The following HTT variants were observed in gnomAD, a reference collection of about 807,000 sequenced individuals.
HTT encodes huntingtin.
In HTT, 104 loss-of-function variants were observed where a neutral mutation model predicts 362.3. The observed-to-expected ratio is 0.29, with a 90% CI of 0.24 to 0.34. The LOEUF (loss-of-function observed/expected upper bound fraction) is 0.34. HTT is among the 10% of genes least tolerant of loss of function. The probability of loss-of-function intolerance (pLI) is 1.00; values close to 1 mark genes in which losing one functional copy is unlikely to be tolerated. For missense variants in HTT, 3,301 were observed against 3,928.6 expected (o/e 0.84, Z 4.27); for synonymous variants, 1,577 against 1,548.7 (o/e 1.02, Z -0.43).
Position 3,235,274 on chromosome 4 carries a change from C to A in HTT, c.8457-10C>A. On this transcript the variant is annotated splice_polypyrimidine_tract_variant and intron_variant, in intron 61 of 66. Transcript: ENST00000355072. ...GGTGGCTGAGCCTGGATGCTGTCTC[C>A]CGTTTTCAGCTGCGTGAACATTCAC... 1 of 1,595,734 alleles carries A rather than the reference C, an allele frequency of 6.3e-7. No homozygotes were observed. Among genetic ancestry groups the A allele is most frequent in the South Asian group, 1.1e-5 (1 of 90,660 alleles).
chr4:3,093,386 G>C (rs886734842), intron 2 of HTT, among the ~76,000 whole-genome samples: 1 of 151,978 alleles, frequency 6.6e-6, no homozygotes. Flanking sequence ...TAAATTGTTC[G>C]CAACAAAAAT....
chr4:3,215,257 A>C lies in HTT; in HGVS notation c.7054+46A>C, dbSNP rs753442156. 7.6e-6 allele frequency: 11 copies of C among 1,454,442 alleles called. No homozygotes were observed. In the African/African-American group the frequency reaches 1.4e-4, roughly 18 times the overall value. The allele number at this position is 1,454,442 out of a possible 1,614,324, so 90.1% of individuals were successfully genotyped here. Reference sequence around the variant, plus strand: ...TTTTCTTACATGTTGTTCCTCCAGGACTTAAAAATCATTCACAGAGACGTG... The same window carrying C: ...TTTTCTTACATGTTGTTCCTCCAGGCCTTAAAAATCATTCACAGAGACGTG... On this transcript the variant is annotated intron_variant, in intron 51 of 66. Coordinates refer to ENST00000355072, the MANE Select transcript of HTT (RefSeq NM_001388492.1).
intron 66 of HTT, among the ~76,000 whole-genome samples, chr4:3,239,184 G>A (rs1053344418): frequency 6.6e-6 from 1 of 152,192 alleles, no homozygotes; most frequent in Non-Finnish European, 1.5e-5. Flanking sequence ...CTCTCAGAGG[G>A]GCCGGTGTAT....
At chr4:3,189,370 A>G (rs2110250340) in intron 40 of HTT, among the ~76,000 whole-genome samples, 2 of 152,380 alleles carry the variant, frequency 1.3e-5, no homozygotes, top group Middle Eastern at 3.4e-3. Context: ...ATGTGGAACC[A>G]ACTGAAGTGT....
At chr4:3,097,448 A>G (rs1713908874) in intron 2 of HTT, among the ~76,000 whole-genome samples, 1 of 152,194 alleles carries the variant, frequency 6.6e-6, no homozygotes, top group Admixed American at 6.5e-5. Flanking sequence ...CCTGGCCAAC[A>G]TGGTGAAACT....
Position 3,086,971 on chromosome 4 carries a change from G to A in HTT, c.296G>A (p.Arg99His), listed in dbSNP as rs551783257. The A allele has an allele frequency of 1.7e-5, 27 of 1,607,594 alleles. No homozygotes were observed. The highest frequency in any genetic ancestry group is 3.3e-5 in the Admixed American group (2 of 59,916). ...KKELSATKKDRVNHCLTICEN... is the reference protein window; with the variant it reads ...KKELSATKKDHVNHCLTICEN... ...GAACTTTCAGCTACCAAGAAAGACCGTGTGAATCATTGTCTGACAATATGT... is the reference window on the plus strand; with the variant it reads ...GAACTTTCAGCTACCAAGAAAGACCATGTGAATCATTGTCTGACAATATGT... Residue 99 changes from arginine (R) to histidine (H), a missense_variant, in exon 2 of 67, where the codon CGT becomes CAT. By Grantham distance (29) the Arg-to-His change is conservative (BLOSUM62 0). Around this residue, in one of 4 missense-constraint regions of HTT, gnomAD observed 2,316 missense variants for 2,658.5 expected, o/e 0.87. Transcript: ENST00000355072.
intron 31 of HTT, among the ~76,000 whole-genome samples, chr4:3,173,469 C>G (rs1382112709): frequency 3.3e-5 from 5 of 152,192 alleles, no homozygotes; most frequent in Non-Finnish European, 7.4e-5. Context: ...AATGTCCCCA[C>G]CCATTCAAAG....
intron 37 of HTT, among the ~76,000 whole-genome samples, chr4:3,186,201 G>GA (rs113401608): frequency 1.1e-4 from 16 of 147,610 alleles, no homozygotes; most frequent in South Asian, 4.3e-4. Context: ...TGCAGAAAAA[G>GA]AAAAAAAAAA....
chr4:3,198,350 A>C (rs1719367556), intron 40 of HTT, among the ~76,000 whole-genome samples: 1 of 148,576 alleles, frequency 6.7e-6, no homozygotes. Flanking sequence ...CCCGCCTCCC[A>C]AATACCTGGG....
chr4:3,223,038 C>T (rs1282962962), intron 54 of HTT, among the ~76,000 whole-genome samples: 1 of 152,170 alleles, frequency 6.6e-6, no homozygotes, highest in African/African-American at 2.4e-5. Flanking sequence ...GGAGGGTAGA[C>T]ATATGTCACA....
intron 3 of HTT, among the ~76,000 whole-genome samples, chr4:3,099,715 T>A (rs1714054341): frequency 6.6e-6 from 1 of 151,306 alleles, no homozygotes; most frequent in South Asian, 2.1e-4. Context: ...TTGCAGGTGC[T>A]CTATTGCATG....
In HTT at chr4:3,116,332, G is replaced by T. The variant is rs535494519; in HGVS notation, c.1068+69G>T. 1,669 of 1,368,242 alleles carry T rather than the reference G, an allele frequency of 1.2e-3. 26 individuals are homozygous for T. The South Asian group carries it at 0.019, about 15-fold the overall frequency. The allele number at this position is 1,368,242 out of a possible 1,614,324, so 84.8% of individuals were successfully genotyped here. ...GACATTCAAAGAACCGATTAATTTGGAAGAGAAGCGGCAGAACCGAGAGTT... is the reference window on the plus strand; with the variant it reads ...GACATTCAAAGAACCGATTAATTTGTAAGAGAAGCGGCAGAACCGAGAGTT... On this transcript the variant is annotated intron_variant, in intron 8 of 66. Coordinates refer to ENST00000355072, the MANE Select transcript of HTT (RefSeq NM_001388492.1).
chr4:3,174,840 A>G lies in HTT; in HGVS notation c.4245+41A>G, dbSNP rs748921566. 7 of 1,588,902 alleles carry G rather than the reference A, an allele frequency of 4.4e-6. No homozygotes were observed. In the East Asian group the frequency reaches 1.6e-4, roughly 36 times the overall value. On this transcript the variant is annotated intron_variant, in intron 32 of 66. Coordinates refer to ENST00000355072, the MANE Select transcript of HTT (RefSeq NM_001388492.1). ...TGTGGCATGTGAACTCAGGCGTGTC[A>G]GTGCTAGAGAGGAAACTGGAGCTGA...
chr4:3,213,812 A>G (rs904968031), intron 49 of HTT, 146 bp from the exon 50 acceptor site: 10 of 580,750 alleles, frequency 1.7e-5, no homozygotes, highest in Non-Finnish European at 2.6e-5. Context: ...TAATGGAGCC[A>G]TGTCAGAGCT....
chr4:3,215,458 C>T (rs1482082732), intron 51 of HTT, among the ~76,000 whole-genome samples: 1 of 152,110 alleles, frequency 6.6e-6, no homozygotes, highest in African/African-American at 2.4e-5. Flanking sequence ...GCTGGGATGC[C>T]ACTGGGGGAG....
At chr4:3,204,729 A>G (rs1316027773) in intron 42 of HTT, among the ~76,000 whole-genome samples, 2 of 152,204 alleles carry the variant, frequency 1.3e-5, no homozygotes, top group Non-Finnish European at 2.9e-5. Flanking sequence ...GCTCTTTGAG[A>G]AGCTGAGGGC....
In HTT at chr4:3,239,827, T is replaced by C. The variant is rs1409971985; in HGVS notation, c.9216-19T>C. 1 of 1,548,112 alleles carries C rather than the reference T, an allele frequency of 6.5e-7. No individual in the cohort carries two copies. The highest frequency in any genetic ancestry group is 2.0e-5 in the Admixed American group (1 of 51,034). ...CATTCCCCTCATTTGCCGGCCTTTT[T>C]CCTTAACTCCTGCACCAGCCTCCCA... is the stretch of plus-strand genomic sequence containing the variant. On this transcript the variant is annotated intron_variant, in intron 66 of 66. Coordinates refer to ENST00000355072, the MANE Select transcript of HTT (RefSeq NM_001388492.1).
At chr4:3,211,565 G>C in intron 47 of HTT, among the ~76,000 whole-genome samples, 1 of 152,000 alleles carries the variant, frequency 6.6e-6, no homozygotes. Context: ...CAAACTTTAG[G>C]GTGGTTGGTG....
intron 3 of HTT, among the ~76,000 whole-genome samples, chr4:3,103,193 T>TTA (rs1467794451): frequency 4.0e-5 from 6 of 150,346 alleles, no homozygotes; most frequent in East Asian, 1.9e-4. Flanking sequence ...TTAGGATTTA[T>TTA]TATATATATA....
Sources: gnomAD v4.1 joint callset for allele counts (sites outside exome capture counted in the v4.1 genomes callset) on GRCh38, gnomAD v4.1.1 for gene constraint, gnomAD v4.1.1 regional missense constraint, MANE v1.5 for transcripts, NCBI Gene and HGNC (gene_info 2026-07-23, HGNC 2026-07-21) for gene names.